The following RAB2B variants were observed in gnomAD, a reference collection of about 807,000 sequenced individuals.
RAB2B encodes RAB2B, member RAS oncogene family.
A neutral mutation model predicts 29.8 loss-of-function variants in RAB2B; 20 were observed. The observed-to-expected ratio is 0.67, with a 90% confidence interval of 0.47 to 0.97. The LOEUF (loss-of-function observed/expected upper bound fraction) is 0.97. RAB2B is among the 50% of genes least tolerant of loss of function. RAB2B has a pLI of 0.00. For synonymous variants in RAB2B, 93 were observed against 91.7 expected (o/e 1.01, Z -0.08); for missense variants, 218 against 272.0 (o/e 0.80, Z 1.40).
intron 4 of RAB2B, 109 bp downstream of exon 4, chr14:21,468,561 G>A (rs1023406280): frequency 7.1e-6 from 9 of 1,273,408 alleles, no homozygotes; most frequent in African/African-American, 4.5e-5. Flanking sequence ...AAATATTAGA[G>A]AGGCCATTCC....
rs1890993924 is a variant in RAB2B, at chr14:21,476,955, T to A, written c.-83A>T. On this transcript the variant is annotated 5_prime_UTR_variant, in exon 1 of 8. Coordinates refer to ENST00000397762, the MANE Select transcript of RAB2B (RefSeq NM_032846.4). ...CCTCTCTAGCCACTCAATCTACCGA[T>A]CTTCTTCTTCTCCCCCTTCCCCCCG... The A allele has an allele frequency of 6.9e-7, 1 of 1,449,716 alleles. No homozygotes were observed. Among genetic ancestry groups the A allele is most frequent in the Non-Finnish European group, 9.6e-7 (1 of 1,036,962 alleles). 89.8% of individuals were successfully genotyped at this position (1,449,716 alleles called of 1,614,324 possible). A position where few individuals can be genotyped will look rare whatever the true frequency, so the allele number is the denominator to read the frequency against.
chr14:21,462,222 T>TGG, intron 7 of RAB2B, 128 bp downstream of exon 7: 3 of 549,586 alleles, frequency 5.5e-6, no homozygotes, highest in Non-Finnish European at 5.6e-6. Flanking sequence ...AAAAAAAAAG[T>TGG]GTTGAATTGG....
rs989901326 is a variant in RAB2B, at chr14:21,460,653, G to A, written c.*543C>T. On this transcript the variant is annotated 3_prime_UTR_variant, in exon 8 of 8. Coordinates refer to ENST00000397762, the MANE Select transcript of RAB2B (RefSeq NM_032846.4). ...TTTGAGACAGAGTTTTGCTCTTGTT[G>A]CCCAGGCTGCAGTGCAATGGCGTGA... 5 of 153,106 alleles carry A rather than the reference G, an allele frequency of 3.3e-5. No homozygotes were observed. The highest frequency in any genetic ancestry group is 1.2e-4 in the African/African-American group (5 of 40,760). 9.5% of individuals were successfully genotyped at this position (153,106 alleles called of 1,614,324 possible). A position where few individuals can be genotyped will look rare whatever the true frequency, so the allele number is the denominator to read the frequency against.
intron 2 of RAB2B, among the ~76,000 whole-genome samples, chr14:21,475,338 T>C (rs1254531946): frequency 6.6e-6 from 1 of 152,186 alleles, no homozygotes; most frequent in Non-Finnish European, 1.5e-5. Flanking sequence ...AGTCACTCTT[T>C]AGTCTCTACT....
Position 21,476,522 on chromosome 14 carries a change from A to G in RAB2B, c.118+6T>C. 6.2e-7 allele frequency: 1 copy of G among 1,613,762 alleles called. No individual in the cohort carries two copies. The highest frequency in any genetic ancestry group is 1.3e-5 in the African/African-American group (1 of 75,060). On this transcript the variant is annotated splice_donor_region_variant and intron_variant, in intron 2 of 7. Coordinates refer to ENST00000397762, the MANE Select transcript of RAB2B (RefSeq NM_032846.4). ...CATCTGTTCTGGAACAAGTAGATGC[A>G]CTTACCTATTGTGAGGTCGTGGACA...
In RAB2B at chr14:21,474,939, C is replaced by G; in HGVS notation, c.119-5G>C. 1.2e-6 allele frequency: 2 copies of G among 1,613,056 alleles called. No homozygotes were observed. Among genetic ancestry groups the G allele is most frequent in the Non-Finnish European group, 1.7e-6 (2 of 1,179,128 alleles). On this transcript the variant is annotated splice_polypyrimidine_tract_variant and splice_region_variant and intron_variant, in intron 2 of 7. Transcript: ENST00000397762. ...TACGAGCTCCAAACTCCACACCTGT[C>G]GGTAAAGACCGAGAGAAAGAATGTG...
intron 1 of RAB2B, 59 bp from the exon 2 acceptor site, chr14:21,476,658 G>C: frequency 6.2e-7 from 1 of 1,613,424 alleles, no homozygotes; most frequent in South Asian, 1.1e-5. Flanking sequence ...CCAGAGTATG[G>C]ACTTCCCGGA....
chr14:21,472,637 A>C (rs922148630), intron 3 of RAB2B, among the ~76,000 whole-genome samples: 4 of 152,200 alleles, frequency 2.6e-5, no homozygotes, highest in Non-Finnish European at 4.4e-5. Flanking sequence ...ATCTCAAGAC[A>C]ATTTTAAGAG....
rs1788428589 is a variant in RAB2B at position 21,476,933 on chromosome 14, C to T, written c.-61G>A. 6.4e-7 allele frequency: 1 copy of T among 1,554,422 alleles called. No individual in the cohort carries two copies. Among genetic ancestry groups the T allele is most frequent in the African/African-American group, 1.4e-5 (1 of 73,806 alleles). On this transcript the variant is annotated 5_prime_UTR_variant, in exon 1 of 8. Transcript: ENST00000397762. ...TTCTATAGCCACTTACCTCCGACCT[C>T]TCTAGCCACTCAATCTACCGATCTT...
At chr14:21,469,969 T>G (rs1890769963) in intron 3 of RAB2B, among the ~76,000 whole-genome samples, 2 of 148,114 alleles carry the variant, frequency 1.4e-5, no homozygotes, top group African/African-American at 2.6e-5. Flanking sequence ...TTTTTTTTTT[T>G]GAGAGGGAGT....
At chr14:21,470,992 AC>A (rs1890795822) in intron 3 of RAB2B, among the ~76,000 whole-genome samples, 1 of 31,790 alleles carries the variant, frequency 3.1e-5, no homozygotes, top group Admixed American at 3.3e-4. Flanking sequence ...TGCTAAAAAT[AC>A]AAAAAAAAAA....
Position 21,476,734 on chromosome 14 carries a change from G to T in RAB2B, c.46+93C>A, listed in dbSNP as rs568288296. On this transcript the variant is annotated intron_variant, in intron 1 of 7. Coordinates refer to ENST00000397762, the MANE Select transcript of RAB2B (RefSeq NM_032846.4). ...CGAACCGCCCCGCCCGTCTCGAATCGCCCAGCCCACAAAGTGAGCCCCGCC... is the reference window on the plus strand; with the variant it reads ...CGAACCGCCCCGCCCGTCTCGAATCTCCCAGCCCACAAAGTGAGCCCCGCC... 72 of 1,364,434 alleles carry T rather than the reference G, an allele frequency of 5.3e-5. No individual in the cohort carries two copies. The African/African-American group carries it at 7.2e-4, about 14-fold the overall frequency. 84.5% of individuals were successfully genotyped at this position (1,364,434 alleles called of 1,614,324 possible).
chr14:21,470,993 CAAAAAAAAAAAAAAAAAAA>C (rs869211285), intron 3 of RAB2B, among the ~76,000 whole-genome samples: 8 of 98,792 alleles, frequency 8.1e-5, no homozygotes, highest in Non-Finnish European at 1.5e-4. Context: ...GCTAAAAATA[CAAAAAAAAAAAAAAAAAAA>C]AAAAAAAAAA....
chr14:21,471,615 C>CAA (rs71419137), intron 3 of RAB2B, among the ~76,000 whole-genome samples: 39 of 64,328 alleles, frequency 6.1e-4, no homozygotes, highest in East Asian at 1.1e-3. Context: ...AAGACCCTGT[C>CAA]AAAAAAAAAA....
chr14:21,463,890 T>C (rs1036792541), intron 5 of RAB2B, 123 bp from the exon 6 acceptor site: 3 of 637,338 alleles, frequency 4.7e-6, no homozygotes, highest in Non-Finnish European at 8.2e-6. Context: ...ATGTAGATCC[T>C]ACATGATACT....
At chr14:21,462,307 G>A (rs1473656012) in intron 7 of RAB2B, 43 bp downstream of exon 7, 1 of 1,575,534 alleles carries the variant, frequency 6.3e-7, no homozygotes, top group Admixed American at 1.7e-5. Flanking sequence ...GTTGTATTCA[G>A]AACAAGCCAA....
At chr14:21,470,242 C>G (rs192556653) in intron 3 of RAB2B, among the ~76,000 whole-genome samples, 8 of 152,174 alleles carry the variant, frequency 5.3e-5, no homozygotes, top group Admixed American at 2.6e-4. Context: ...CATGAGCCAC[C>G]GTGCCTGGCT....
intron 3 of RAB2B, among the ~76,000 whole-genome samples, chr14:21,470,972 AC>A (rs1411326266): frequency 2.2e-5 from 3 of 138,932 alleles, no homozygotes; most frequent in Non-Finnish European, 3.1e-5. Context: ...ACATGATGAA[AC>A]CCCATCTCTG....
chr14:21,471,923 G>C lies in RAB2B; in HGVS notation c.186+2944C>G, dbSNP rs1890828042. On this transcript the variant is annotated intron_variant, in intron 3 of 7. Coordinates refer to ENST00000397762, the MANE Select transcript of RAB2B (RefSeq NM_032846.4). ...ACTCCTGACCTCAGGTGATCCGCCT[G>C]CCTCAGCCTCCCAAAGTGCTGGAAT... 2.0e-5 allele frequency among the ~76,000 whole-genome samples: 3 copies of C among 152,002 alleles called. No individual in the cohort carries two copies. The South Asian group carries it at 6.2e-4, about 31-fold the overall frequency.
Sources: allele counts gnomAD v4.1 joint callset (sites outside exome capture counted in the v4.1 genomes callset), GRCh38; gene constraint gnomAD v4.1.1; transcripts MANE v1.5; gene names NCBI Gene and HGNC (gene_info 2026-07-23, HGNC 2026-07-21).